The following LRMDA variants were observed in gnomAD, a reference collection of about 807,000 sequenced individuals.
The protein encoded by LRMDA is leucine rich melanocyte differentiation associated.
Under a neutral mutation model 29.8 loss-of-function variants are expected in LRMDA, and 18 were observed. The observed-to-expected ratio is 0.60, with a 90% CI of 0.42 to 0.90. The LOEUF is 0.90. LRMDA is among the 40% of genes least tolerant of loss of function. LRMDA has a pLI of 0.00. For missense variants in LRMDA, 273 were observed against 273.9 expected (o/e 1.00, Z 0.02); for synonymous variants, 125 against 109.4 (o/e 1.14, Z -0.89).
chr10:76,226,900 C>G (rs1383214301), intron 5 of LRMDA, among the ~76,000 whole-genome samples: 1 of 152,198 alleles, frequency 6.6e-6, no homozygotes, highest in African/African-American at 2.4e-5. Flanking sequence ...CTCAGGTACT[C>G]CCTTATAGCA....
At chr10:75,847,142 TGACATAAA>T (rs1844652544) in intron 2 of LRMDA, among the ~76,000 whole-genome samples, 1 of 152,182 alleles carries the variant, frequency 6.6e-6, no homozygotes, top group Admixed American at 6.5e-5. Context: ...GGTGTGCTAT[TGACATAAA>T]GACAGACACA....
At chr10:76,196,341 C>G (rs1327418625) in intron 5 of LRMDA, among the ~76,000 whole-genome samples, 1 of 152,158 alleles carries the variant, frequency 6.6e-6, no homozygotes, top group Non-Finnish European at 1.5e-5. Context: ...CCTGGTGTGC[C>G]CTGCACAATT....
chr10:76,186,925 T>C (rs1221063756), intron 5 of LRMDA, among the ~76,000 whole-genome samples: 2 of 152,244 alleles, frequency 1.3e-5, no homozygotes, highest in African/African-American at 4.8e-5. Context: ...ATAATTCTTA[T>C]ACTGGTATTT....
intron 5 of LRMDA, among the ~76,000 whole-genome samples, chr10:76,078,012 T>A (rs1848987851): frequency 8.4e-6 from 1 of 118,346 alleles, no homozygotes; most frequent in Non-Finnish European, 1.8e-5. Context: ...TTTTTTTTTT[T>A]TTTTTTTTTT....
intron 2 of LRMDA, among the ~76,000 whole-genome samples, chr10:75,533,569 T>C (rs764353916): frequency 1.3e-5 from 2 of 151,978 alleles, no homozygotes; most frequent in Non-Finnish European, 2.9e-5. Context: ...AGTAGGTAAA[T>C]AATAAATTAT....
At chr10:76,128,997 A>G (rs765016728) in intron 5 of LRMDA, among the ~76,000 whole-genome samples, 11 of 152,180 alleles carry the variant, frequency 7.2e-5, no homozygotes, top group Non-Finnish European at 1.5e-4. Flanking sequence ...TGCACATATG[A>G]AAGTGATAAA....
At chr10:76,170,731 ATGGT>A (rs1220339798) in intron 5 of LRMDA, among the ~76,000 whole-genome samples, 1 of 152,214 alleles carries the variant, frequency 6.6e-6, no homozygotes, top group Non-Finnish European at 1.5e-5. Context: ...ATTCTATAAA[ATGGT>A]TGGTTTCTTT....
intron 2 of LRMDA, among the ~76,000 whole-genome samples, chr10:75,905,856 A>G (rs1845749306): frequency 1.3e-5 from 2 of 152,048 alleles, no homozygotes; most frequent in Non-Finnish European, 2.9e-5. Flanking sequence ...CTCTCTGTCT[A>G]AGGCATTCAG....
At chr10:75,560,027 G>A (rs1392213989) in intron 2 of LRMDA, among the ~76,000 whole-genome samples, 1 of 150,996 alleles carries the variant, frequency 6.6e-6, no homozygotes, top group Non-Finnish European at 1.5e-5. Context: ...CTCTTTTTTG[G>A]TTCCATATGA....
At chr10:76,320,054 A>G (rs1434604497) in intron 5 of LRMDA, among the ~76,000 whole-genome samples, 2 of 152,194 alleles carry the variant, frequency 1.3e-5, no homozygotes, top group African/African-American at 2.4e-5. Context: ...GAATGCACCT[A>G]TTGGAAAGGG....
chr10:75,582,061 C>T (rs1409823006), intron 2 of LRMDA, among the ~76,000 whole-genome samples: 2 of 152,180 alleles, frequency 1.3e-5, no homozygotes, highest in Non-Finnish European at 2.9e-5. Context: ...TAGGGTTCAG[C>T]TCCCACAGCT....
At chr10:76,187,922 A>G (rs1347698570) in intron 5 of LRMDA, among the ~76,000 whole-genome samples, 2 of 152,158 alleles carry the variant, frequency 1.3e-5, no homozygotes, top group Non-Finnish European at 2.9e-5. Flanking sequence ...TGAGGGTGTC[A>G]TTCTCCTAGT....
chr10:75,499,702 G>A (rs1845090719), intron 2 of LRMDA, among the ~76,000 whole-genome samples: 1 of 152,196 alleles, frequency 6.6e-6, no homozygotes. Context: ...TGTGTAGACA[G>A]CCTCCTCTGA....
chr10:75,875,371 G>A (rs1198887062), intron 2 of LRMDA, among the ~76,000 whole-genome samples: 2 of 152,164 alleles, frequency 1.3e-5, no homozygotes, highest in Non-Finnish European at 2.9e-5. Context: ...AAGGATGAGA[G>A]GCTTCTTCCT....
chr10:76,371,499 G>C (rs941351883), intron 6 of LRMDA, among the ~76,000 whole-genome samples: 2 of 152,108 alleles, frequency 1.3e-5, no homozygotes, highest in Non-Finnish European at 2.9e-5. Context: ...CTAGTGCTCA[G>C]AGCCTGCCAC....
At chr10:75,643,750 TA>T (rs1157556227) in intron 2 of LRMDA, among the ~76,000 whole-genome samples, 1 of 152,162 alleles carries the variant, frequency 6.6e-6, no homozygotes, top group African/African-American at 2.4e-5. Flanking sequence ...CAATTTTCTT[TA>T]AAAAAATAAT....
At chr10:75,493,457 G>T (rs1489141851) in intron 2 of LRMDA, among the ~76,000 whole-genome samples, 1 of 151,690 alleles carries the variant, frequency 6.6e-6, no homozygotes, top group Non-Finnish European at 1.5e-5. Context: ...GTCCTTGTGG[G>T]TTGAAGGTAT....
intron 2 of LRMDA, among the ~76,000 whole-genome samples, chr10:75,593,551 A>C (rs1840748527): frequency 1.3e-5 from 2 of 152,210 alleles, no homozygotes; most frequent in African/African-American, 4.8e-5. Context: ...TTGTTGACTA[A>C]AGAAAAGTAT....
intron 5 of LRMDA, among the ~76,000 whole-genome samples, chr10:76,218,775 G>A (rs1168955870): frequency 1.8e-5 from 2 of 110,166 alleles, no homozygotes; most frequent in Non-Finnish European, 4.2e-5. Context: ...GAATAGCTGT[G>A]AGTCTCACTG....
Sources: gnomAD v4.1 joint callset for allele counts (sites outside exome capture counted in the v4.1 genomes callset) on GRCh38, gnomAD v4.1.1 for gene constraint, MANE v1.5 for transcripts, NCBI Gene and HGNC (gene_info 2026-07-23, HGNC 2026-07-21) for gene names.